Variants in CNTNAP2 observed in about 807,000 individuals in gnomAD.
CNTNAP2 encodes the protein contactin-associated protein-like 2.
Under a neutral mutation model 155.2 loss-of-function variants are expected in CNTNAP2, and 98 were observed. That is an observed-to-expected ratio of 0.63 (90% CI 0.54 to 0.75). The LOEUF is 0.75. Among genes scored for constraint, CNTNAP2 ranks in the 30% least tolerant of loss-of-function variants. The probability of loss-of-function intolerance (pLI) is 0.00; values close to 1 mark genes in which losing one functional copy is unlikely to be tolerated. For missense variants in CNTNAP2, 1,727 were observed against 1,688.1 expected (o/e 1.02, Z -0.40); for synonymous variants, 651 against 631.2 (o/e 1.03, Z -0.47).
At chr7:147,373,960 A>G (rs564380827) in intron 9 of CNTNAP2, among the ~76,000 whole-genome samples, 71 of 151,106 alleles carry the variant, frequency 4.7e-4, no homozygotes, top group African/African-American at 1.6e-3. Flanking sequence ...ATTTATCAGG[A>G]AAAAAAAAGC....
chr7:147,126,937 T>C (rs574488672), intron 6 of CNTNAP2, among the ~76,000 whole-genome samples: 3 of 152,218 alleles, frequency 2.0e-5, no homozygotes, highest in Admixed American at 2.0e-4. Context: ...GTGCCTAGAG[T>C]TGCTGAAAAC....
chr7:146,208,911 A>T (rs901221188), intron 1 of CNTNAP2: 1 of 152,130 alleles, frequency 6.6e-6, no homozygotes, highest in Admixed American at 6.6e-5. Flanking sequence ...ATAACTGCTA[A>T]GATTTTTGGT....
intron 20 of CNTNAP2, among the ~76,000 whole-genome samples, chr7:148,241,105 T>A (rs974905972): frequency 1.4e-4 from 22 of 152,218 alleles, no homozygotes; most frequent in African/African-American, 4.8e-4. Context: ...ACCATCACAC[T>A]TACTTAATAG....
At chr7:147,092,562 C>T (rs1475669304) in intron 4 of CNTNAP2, among the ~76,000 whole-genome samples, 1 of 152,082 alleles carries the variant, frequency 6.6e-6, no homozygotes. Context: ...ATTAATGTTC[C>T]TATTCTAGTA....
intron 13 of CNTNAP2, among the ~76,000 whole-genome samples, chr7:147,827,809 A>C (rs956165402): frequency 2.6e-5 from 4 of 152,214 alleles, no homozygotes; most frequent in African/African-American, 9.6e-5. Context: ...TTTCCAGGCC[A>C]AAGCAAGTAA....
At chr7:147,868,634 G>A (rs945732888) in intron 13 of CNTNAP2, among the ~76,000 whole-genome samples, 13 of 152,190 alleles carry the variant, frequency 8.5e-5, no homozygotes, top group African/African-American at 2.2e-4. Context: ...TACCCAGTTC[G>A]AGCTTCCTGG....
chr7:148,161,270 G>A (rs954294934), intron 17 of CNTNAP2, among the ~76,000 whole-genome samples: 3 of 152,198 alleles, frequency 2.0e-5, no homozygotes, highest in Admixed American at 1.3e-4. Context: ...TTGGTTCTGT[G>A]TCTTCAGCGC....
intron 12 of CNTNAP2, among the ~76,000 whole-genome samples, chr7:147,595,666 C>T (rs1022649148): frequency 6.6e-6 from 1 of 152,208 alleles, no homozygotes; most frequent in Admixed American, 6.5e-5. Context: ...CCAATTACAG[C>T]TAGCACTTGA....
intron 4 of CNTNAP2, among the ~76,000 whole-genome samples, chr7:147,078,399 C>G (rs1302668770): frequency 6.6e-6 from 1 of 152,176 alleles, no homozygotes; most frequent in Non-Finnish European, 1.5e-5. Context: ...TATATTCATC[C>G]TATAAACTGC....
chr7:146,656,579 C>G (rs1799998726), intron 1 of CNTNAP2, among the ~76,000 whole-genome samples: 1 of 152,100 alleles, frequency 6.6e-6, no homozygotes, highest in Admixed American at 6.6e-5. Context: ...GTTTCCCAAA[C>G]AGACAGGGGC....
chr7:147,445,746 GTCTA>G (rs1238019437), intron 10 of CNTNAP2, among the ~76,000 whole-genome samples: 8 of 152,036 alleles, frequency 5.3e-5, no homozygotes, highest in Admixed American at 1.3e-4. Flanking sequence ...AGCTGCATTA[GTCTA>G]TCTATGTTTC....
intron 9 of CNTNAP2, 76 bp downstream of exon 9, chr7:147,300,366 T>C: frequency 6.5e-7 from 1 of 1,538,348 alleles, no homozygotes; most frequent in Non-Finnish European, 9.0e-7. Flanking sequence ...GATTATGAAG[T>C]ATTTATATTT....
chr7:147,507,356 T>C (rs1798924277), intron 11 of CNTNAP2, among the ~76,000 whole-genome samples: 1 of 152,092 alleles, frequency 6.6e-6, no homozygotes, highest in Admixed American at 6.6e-5. Flanking sequence ...TGGACTCAGC[T>C]AAGTAACCCA....
chr7:146,228,280 G>A (rs1012627830), intron 1 of CNTNAP2, among the ~76,000 whole-genome samples: 4 of 152,136 alleles, frequency 2.6e-5, no homozygotes, highest in African/African-American at 9.7e-5. Context: ...TAAACACCTT[G>A]TTTAGTAGTA....
intron 8 of CNTNAP2, among the ~76,000 whole-genome samples, chr7:147,162,538 G>A (rs1448970253): frequency 6.6e-6 from 1 of 152,100 alleles, no homozygotes; most frequent in Non-Finnish European, 1.5e-5. Context: ...TAATTATGCT[G>A]AAAATATTTG....
Position 148,416,790 on chromosome 7 carries a change from A to T in CNTNAP2, c.*1174A>T, listed in dbSNP as rs1033815382. 3 of 152,182 alleles carry T rather than the reference A, an allele frequency of 2.0e-5. No homozygotes were observed. The highest frequency in any genetic ancestry group is 7.3e-5 in the African/African-American group (3 of 41,316). 9.4% of individuals were successfully genotyped at this position (152,182 alleles called of 1,614,324 possible). Reference sequence around the variant, plus strand: ...CCAATCACACTGCTGTGATTCAGGGATCTTTCTTCTAAGACGGACACATTT... The same window carrying T: ...CCAATCACACTGCTGTGATTCAGGGTTCTTTCTTCTAAGACGGACACATTT... On this transcript the variant is annotated 3_prime_UTR_variant, in exon 24 of 24. Transcript: ENST00000361727.
chr7:147,321,132 G>C (rs904738122), intron 9 of CNTNAP2, among the ~76,000 whole-genome samples: 1 of 152,154 alleles, frequency 6.6e-6, no homozygotes, highest in African/African-American at 2.4e-5. Context: ...TCCCAGTGGA[G>C]GTGAGCCCTC....
intron 13 of CNTNAP2, among the ~76,000 whole-genome samples, chr7:147,740,943 A>G (rs183578861): frequency 1.2e-4 from 18 of 152,260 alleles, no homozygotes; most frequent in Non-Finnish European, 2.5e-4. Flanking sequence ...GGAGTGTCAG[A>G]GTTTTCCCAA....
chr7:146,229,849 C>T (rs879601699), intron 1 of CNTNAP2, among the ~76,000 whole-genome samples: 1 of 152,064 alleles, frequency 6.6e-6, no homozygotes, highest in Non-Finnish European at 1.5e-5. Flanking sequence ...TACTTTTGAA[C>T]ATCTTTGCTG....
Sources: allele counts gnomAD v4.1 joint callset (sites outside exome capture counted in the v4.1 genomes callset), GRCh38; gene constraint gnomAD v4.1.1; transcripts MANE v1.5; gene names NCBI Gene and HGNC (gene_info 2026-07-23, HGNC 2026-07-21).